NBAS: variants seen among roughly 807,000 people sequenced by gnomAD.
NBAS encodes the protein NAG/BC035112 fusion.
In NBAS, 219 loss-of-function variants were observed where a neutral mutation model predicts 302.5. The ratio of observed to expected loss-of-function variants is 0.72; its 90% CI spans 0.65 to 0.81. The LOEUF (loss-of-function observed/expected upper bound fraction) is 0.81, where lower values mean the gene tolerates loss of function less well. NBAS is among the 30% of genes least tolerant of loss of function. NBAS has a pLI of 0.00. For missense variants in NBAS, 2,932 were observed against 2,841.6 expected (o/e 1.03, Z -0.72); for synonymous variants, 1,118 against 1,021.6 (o/e 1.09, Z -1.80).
At chr2:14,970,995 T>A in the NBAS span, among the ~76,000 whole-genome samples, 1 of 152,168 alleles carries the variant, frequency 6.6e-6, no homozygotes, top group Non-Finnish European at 1.5e-5. Flanking sequence ...TGGGAAGAAT[T>A]ATGGCAGAAA....
chr2:15,550,591 CTTT>C (rs34088172), intron 6 of NBAS, among the ~76,000 whole-genome samples: 5 of 144,238 alleles, frequency 3.5e-5, no homozygotes, highest in Non-Finnish European at 6.0e-5. Context: ...TCTGTCTTTT[CTTT>C]TTTTTTTTTT....
chr2:15,370,609 C>G (rs111906531), intron 31 of NBAS, among the ~76,000 whole-genome samples: 2 of 152,196 alleles, frequency 1.3e-5, no homozygotes, highest in African/African-American at 4.8e-5. Flanking sequence ...GCCATGAGAG[C>G]CCACCCTTTG....
chr2:15,383,851 T>G (rs544750105), intron 28 of NBAS, among the ~76,000 whole-genome samples: 8 of 152,276 alleles, frequency 5.3e-5, no homozygotes, highest in Non-Finnish European at 1.0e-4. Context: ...CAGTTGCTTC[T>G]TACAGTGAGA....
At chr2:15,195,963 A>C (rs1322208595) in intron 48 of NBAS, among the ~76,000 whole-genome samples, 1 of 152,226 alleles carries the variant, frequency 6.6e-6, no homozygotes, top group Admixed American at 6.5e-5. Context: ...AAAGGAGAGG[A>C]GACACAAAAC....
At chr2:14,837,064 C>T in the NBAS span, among the ~76,000 whole-genome samples, 1 of 151,734 alleles carries the variant, frequency 6.6e-6, no homozygotes, top group Non-Finnish European at 1.5e-5. Flanking sequence ...ATCTGTCAAA[C>T]CTCTTAGATT....
At chr2:15,531,193 C>A (rs1663195707) in intron 9 of NBAS, among the ~76,000 whole-genome samples, 1 of 152,004 alleles carries the variant, frequency 6.6e-6, no homozygotes, top group South Asian at 2.1e-4. Flanking sequence ...TGTGACCCAC[C>A]AAAACAGTTA....
the NBAS span, among the ~76,000 whole-genome samples, chr2:15,033,973 AAAGAGGAAGAG>A: frequency 1.6e-3 from 150 of 93,544 alleles, 4 homozygotes; most frequent in South Asian, 0.039. Flanking sequence ...AAGAGGAAGA[AAAGAGGAAGAG>A]GAAGAAGAAG....
Position 15,383,320 on chromosome 2 carries a change from G to T in NBAS, c.3258-3C>A. The T allele has an allele frequency of 1.2e-6, 2 of 1,610,464 alleles. No individual in the cohort carries two copies. Among genetic ancestry groups the T allele is most frequent in the South Asian group, 2.2e-5 (2 of 90,990 alleles). On this transcript the variant is annotated splice_polypyrimidine_tract_variant and splice_region_variant and intron_variant, in intron 28 of 51. Coordinates refer to ENST00000281513, the MANE Select transcript of NBAS (RefSeq NM_015909.4). Reference sequence around the variant, plus strand: ...GAGACTCACTGACAGGAGGCTGCCTGGAAAAACACATAAAAAAGACAAGGA... The same window carrying T: ...GAGACTCACTGACAGGAGGCTGCCTTGAAAAACACATAAAAAAGACAAGGA...
At chr2:15,373,106 A>T (rs1370603978) in intron 31 of NBAS, among the ~76,000 whole-genome samples, 1 of 152,168 alleles carries the variant, frequency 6.6e-6, no homozygotes, top group African/African-American at 2.4e-5. Context: ...GTAGTTAATG[A>T]CTTCAGACAT....
chr2:14,989,395 T>C, the NBAS span, among the ~76,000 whole-genome samples: 1 of 151,370 alleles, frequency 6.6e-6, no homozygotes, highest in Non-Finnish European at 1.5e-5. Context: ...CCATCTCTAC[T>C]AGAAATACAA....
intron 12 of NBAS, 137 bp from the exon 13 acceptor site, chr2:15,478,426 T>A (rs748412216): frequency 1.4e-6 from 1 of 704,474 alleles, no homozygotes; most frequent in Non-Finnish European, 2.5e-6. Context: ...TGAAATCTAT[T>A]TATTGCCATG....
In NBAS at chr2:15,534,534, G is replaced by GT; in HGVS notation, c.746+8dup. 6.4e-7 allele frequency: 1 copy of GT among 1,566,406 alleles called. No individual in the cohort carries two copies. On this transcript the variant is annotated intron_variant, in intron 9 of 51. Transcript: ENST00000281513. ...GTCCCACTAAATATGAGAACAAATGGTTACTTACCTGTGACCAGGGTGGTA... is the reference window on the plus strand; with the variant it reads ...GTCCCACTAAATATGAGAACAAATGGTTTACTTACCTGTGACCAGGGTGGTA...
At position 15,178,898 on chromosome 2, in the gene NBAS, C is replaced by T. The variant is rs3731995; in HGVS notation, c.6840+90G>A. 0.068 allele frequency: 105,508 copies of T among 1,560,704 alleles called. 3,960 individuals carry two copies. Among genetic ancestry groups the T allele is most frequent in the East Asian group, 0.13 (5,520 of 43,152 alleles). On this transcript the variant is annotated intron_variant, in intron 51 of 51. Transcript: ENST00000281513. ...AGATATAGTAGTCTTCAATTAACCA[C>T]GGTGTTATTTATGAGAATGAAAGTG...
chr2:14,859,772 T>G, the NBAS span, among the ~76,000 whole-genome samples: 2 of 152,060 alleles, frequency 1.3e-5, no homozygotes, highest in Non-Finnish European at 2.9e-5. Flanking sequence ...GACATTGGTC[T>G]GGGCAAAGAA....
intron 6 of NBAS, among the ~76,000 whole-genome samples, chr2:15,550,840 G>A (rs1324538446): frequency 6.6e-6 from 1 of 152,064 alleles, no homozygotes; most frequent in Non-Finnish European, 1.5e-5. Context: ...GCCCACCTCG[G>A]CCTCCCAAAG....
chr2:14,877,747 C>CA, the NBAS span, among the ~76,000 whole-genome samples: 1 of 152,100 alleles, frequency 6.6e-6, no homozygotes, highest in Non-Finnish European at 1.5e-5. Context: ...GTTGAGGGTT[C>CA]AAATTTGCAG....
At chr2:15,177,155 C>T (rs146927495) in intron 51 of NBAS, among the ~76,000 whole-genome samples, 15 of 152,278 alleles carry the variant, frequency 9.9e-5, no homozygotes, top group African/African-American at 3.4e-4. Flanking sequence ...AGGGCACAGA[C>T]GTTTCGTGCG....
At chr2:15,464,984 T>C (rs1679661437) in intron 19 of NBAS, among the ~76,000 whole-genome samples, 2 of 152,228 alleles carry the variant, frequency 1.3e-5, no homozygotes, top group South Asian at 2.1e-4. Flanking sequence ...TTGCTTCCTA[T>C]TTATTTGGAC....
Position 15,350,797 on chromosome 2 carries a change from A to G in NBAS, c.4179+1195T>C, listed in dbSNP as rs372425459. 1.1e-4 allele frequency among the ~76,000 whole-genome samples: 16 copies of G among 152,336 alleles called. No homozygotes were observed. The East Asian group carries it at 1.9e-3, about 18-fold the overall frequency. On this transcript the variant is annotated intron_variant, in intron 35 of 51. Transcript: ENST00000281513. ...AAAAATATAAATCAATTAATTAGGT[A>G]TCATTAAACACTTAGGATAACAGGC... is the stretch of plus-strand genomic sequence containing the variant.
Sources: allele counts gnomAD v4.1 joint callset (sites outside exome capture counted in the v4.1 genomes callset), GRCh38; gene constraint gnomAD v4.1.1; transcripts MANE v1.5; gene names NCBI Gene and HGNC (gene_info 2026-07-23, HGNC 2026-07-21).